SDK1: variants seen among roughly 807,000 people sequenced by gnomAD.
SDK1 encodes protein sidekick-1.
A neutral mutation model predicts 245.5 loss-of-function variants in SDK1; 157 were observed. The ratio of observed to expected loss-of-function variants is 0.64; its 90% CI spans 0.56 to 0.73. SDK1 has a LOEUF of 0.73. SDK1 is among the 30% of genes least tolerant of loss of function. The probability of loss-of-function intolerance (pLI) is 0.00; values close to 1 mark genes in which losing one functional copy is unlikely to be tolerated. For missense variants in SDK1, 3,583 were observed against 3,002.3 expected, an observed-to-expected ratio of 1.19 and a Z score of -4.52; for synonymous variants, 1,647 against 1,278.5, an observed-to-expected ratio of 1.29 and a Z score of -6.15.
chr7:3,784,627 C>T (rs553676342), intron 4 of SDK1, among the ~76,000 whole-genome samples: 1 of 152,244 alleles, frequency 6.6e-6, no homozygotes, highest in South Asian at 2.1e-4. Flanking sequence ...CATCAGAAAT[C>T]ACTAAGGAAA....
chr7:3,992,210 C>T (rs1784380218), intron 14 of SDK1, among the ~76,000 whole-genome samples: 1 of 152,212 alleles, frequency 6.6e-6, no homozygotes, highest in Non-Finnish European at 1.5e-5. Flanking sequence ...CCTGCCACTG[C>T]AGAAGGGCCT....
intron 5 of SDK1, among the ~76,000 whole-genome samples, chr7:3,862,471 A>G (rs1301713533): frequency 1.3e-5 from 2 of 152,192 alleles, no homozygotes; most frequent in Non-Finnish European, 2.9e-5. Context: ...GTTAATGCAT[A>G]ACATAACTAG....
At chr7:3,871,406 T>TA (rs1780952862) in intron 5 of SDK1, among the ~76,000 whole-genome samples, 1 of 150,998 alleles carries the variant, frequency 6.6e-6, no homozygotes, top group African/African-American at 2.5e-5. Context: ...TATTGCCTTG[T>TA]TGCACTGGTT....
chr7:4,211,177 A>T (rs1438651897), intron 38 of SDK1, among the ~76,000 whole-genome samples: 1 of 152,202 alleles, frequency 6.6e-6, no homozygotes, highest in Admixed American at 6.5e-5. Flanking sequence ...GAAAGAAGCT[A>T]TCGTTCATCT....
At chr7:4,035,077 C>G (rs1046085639) in intron 17 of SDK1, among the ~76,000 whole-genome samples, 3 of 152,170 alleles carry the variant, frequency 2.0e-5, no homozygotes, top group African/African-American at 7.2e-5. Flanking sequence ...CTCCCGGGTT[C>G]AAGCAATTCT....
chr7:3,457,697 C>T (rs1463655886), intron 1 of SDK1, among the ~76,000 whole-genome samples: 1 of 152,118 alleles, frequency 6.6e-6, no homozygotes, highest in Non-Finnish European at 1.5e-5. Context: ...GGAGATCTTC[C>T]TCTAAGAGCT....
chr7:4,240,680 G>A (rs550202381), intron 42 of SDK1, among the ~76,000 whole-genome samples: 1 of 152,236 alleles, frequency 6.6e-6, no homozygotes, highest in East Asian at 1.9e-4. Flanking sequence ...GGGGGCTGGC[G>A]GGACACTGGG....
intron 1 of SDK1, among the ~76,000 whole-genome samples, chr7:3,423,402 A>C (rs1328434790): frequency 6.6e-6 from 1 of 152,224 alleles, no homozygotes; most frequent in Admixed American, 6.5e-5. Context: ...AGAGAATACA[A>C]AGCAGGGCTA....
chr7:3,804,133 A>T (rs1460802990), intron 4 of SDK1, among the ~76,000 whole-genome samples: 1 of 152,170 alleles, frequency 6.6e-6, no homozygotes, highest in East Asian at 1.9e-4. Flanking sequence ...AATTGACTGA[A>T]TTTTTTAACT....
chr7:4,178,296 TG>T (rs1373834105), intron 34 of SDK1, among the ~76,000 whole-genome samples, 188 bp from the exon 35 acceptor site: 2 of 151,980 alleles, frequency 1.3e-5, no homozygotes, highest in African/African-American at 4.8e-5. Flanking sequence ...TGGTGGTGGG[TG>T]CTTAGTTAAT....
intron 4 of SDK1, among the ~76,000 whole-genome samples, chr7:3,760,601 G>A (rs1437820743): frequency 1.3e-5 from 2 of 152,138 alleles, no homozygotes; most frequent in African/African-American, 4.8e-5. Context: ...AATAGTTTTG[G>A]AATAATTTTG....
rs1273476747 is a variant in SDK1 at position 3,964,773 on chromosome 7, T to C, written c.1429+1922T>C. Among the ~76,000 whole-genome samples the C allele has an allele frequency of 2.0e-5, 3 of 152,304 alleles. No homozygotes were observed. The East Asian group carries it at 5.8e-4, about 29-fold the overall frequency. ...TGGAGAGAGCAAATCAGTGTCACTG[T>C]GTGCACAGCCAAGGGCTCTTCCCAC... On this transcript the variant is annotated intron_variant, in intron 9 of 44. Transcript: ENST00000404826.
chr7:4,147,544 A>G (rs1028573830), intron 29 of SDK1, among the ~76,000 whole-genome samples: 2 of 152,156 alleles, frequency 1.3e-5, no homozygotes, highest in African/African-American at 4.8e-5. Flanking sequence ...CTGGGATTGC[A>G]GGTGTGAGCC....
At chr7:3,995,030 C>A (rs544203421) in intron 14 of SDK1, among the ~76,000 whole-genome samples, 1 of 152,322 alleles carries the variant, frequency 6.6e-6, no homozygotes, top group South Asian at 2.1e-4. Context: ...GCCAGCCCTA[C>A]TTCTTCCGTA....
chr7:3,856,148 C>T (rs1780540201), intron 5 of SDK1, among the ~76,000 whole-genome samples: 1 of 152,074 alleles, frequency 6.6e-6, no homozygotes, highest in Non-Finnish European at 1.5e-5. Context: ...ATTTTCTTAT[C>T]TTGCTCAAGG....
At chr7:3,817,454 T>C (rs879533719) in intron 4 of SDK1, among the ~76,000 whole-genome samples, 13 of 152,168 alleles carry the variant, frequency 8.5e-5, no homozygotes, top group Non-Finnish European at 1.3e-4. Flanking sequence ...TTGATTCTGC[T>C]CCAGTGGTGA....
chr7:3,368,987 G>T (rs1304643333), intron 1 of SDK1, among the ~76,000 whole-genome samples: 1 of 151,922 alleles, frequency 6.6e-6, no homozygotes, highest in Non-Finnish European at 1.5e-5. Context: ...GCTTCCTCCT[G>T]CCCCAGTTAG....
chr7:4,030,095 T>A (rs1422989350), intron 17 of SDK1, among the ~76,000 whole-genome samples: 1 of 152,128 alleles, frequency 6.6e-6, no homozygotes, highest in Admixed American at 6.5e-5. Flanking sequence ...ACTGGCTAGA[T>A]GCGCGTCAAG....
At chr7:3,583,683 A>G (rs1419950528) in intron 1 of SDK1, among the ~76,000 whole-genome samples, 1 of 152,160 alleles carries the variant, frequency 6.6e-6, no homozygotes, top group Non-Finnish European at 1.5e-5. Context: ...ACAAGTAGTA[A>G]GAGGCAGGAG....
Sources: allele counts gnomAD v4.1 joint callset (sites outside exome capture counted in the v4.1 genomes callset), GRCh38; gene constraint gnomAD v4.1.1; transcripts MANE v1.5; gene names NCBI Gene and HGNC (gene_info 2026-07-23, HGNC 2026-07-21).